NEK1: variants seen among roughly 807,000 people sequenced by gnomAD.
NEK1 encodes the protein serine/threonine-protein kinase Nek1.
NEK1 carries 137 observed loss-of-function variants against 182.1 expected under a neutral mutation model. That is an observed-to-expected ratio of 0.75 (90% confidence interval 0.65 to 0.87). NEK1 has a LOEUF of 0.87. NEK1 is among the 40% of genes least tolerant of loss of function. NEK1 has a pLI of 0.00. For synonymous variants in NEK1, 513 were observed against 492.2 expected, an observed-to-expected ratio of 1.04 and a Z score of -0.56; for missense variants, 1,391 against 1,494.4, an observed-to-expected ratio of 0.93 and a Z score of 1.14.
chr4:169,603,997 G>A (rs942750580), intron 2 of NEK1, among the ~76,000 whole-genome samples: 4 of 151,846 alleles, frequency 2.6e-5, no homozygotes, highest in African/African-American at 7.3e-5. Context: ...CACCATGAGC[G>A]GCCACATTTA....
In NEK1 at chr4:169,548,400, C is replaced by T. The variant is rs561928411; in HGVS notation, c.1562+7320G>A. Among the ~76,000 whole-genome samples the T allele has an allele frequency of 1.1e-4, 17 of 152,286 alleles. No individual in the cohort carries two copies. The East Asian group carries it at 3.1e-3, about 28-fold the overall frequency. ...GATCTCTCCTGTATGAGGAGTCTGT[C>T]GGCCCCTACTGGGGAGGTGTCTCCC... is the stretch of plus-strand genomic sequence containing the variant. On this transcript the variant is annotated intron_variant, in intron 18 of 35. Coordinates refer to ENST00000507142, the MANE Select transcript of NEK1 (RefSeq NM_001199397.3).
At chr4:169,473,058 A>C (rs528187665) in intron 26 of NEK1, among the ~76,000 whole-genome samples, 66 of 151,964 alleles carry the variant, frequency 4.3e-4, no homozygotes, top group African/African-American at 1.4e-3. Flanking sequence ...CAGGAGTTCA[A>C]AAGCAGCCTG....
At chr4:169,592,732 G>T (rs1251650537) in intron 5 of NEK1, among the ~76,000 whole-genome samples, 1 of 150,362 alleles carries the variant, frequency 6.7e-6, no homozygotes, top group East Asian at 1.9e-4. Context: ...CAGTTCTATA[G>T]ATATTTATTT....
intron 12 of NEK1, among the ~76,000 whole-genome samples, chr4:169,573,953 G>T (rs895864297): frequency 6.6e-6 from 1 of 151,978 alleles, no homozygotes; most frequent in East Asian, 1.9e-4. Flanking sequence ...TTGAGCCCAG[G>T]AGTTTGAGAC....
At position 169,479,457 on chromosome 4, in the gene NEK1, C is replaced by T. The variant is rs1439761503; in HGVS notation, c.2085G>A (p.Lys695=). The T allele has an allele frequency of 3.1e-6, 5 of 1,611,954 alleles. No homozygotes were observed. The highest frequency in any genetic ancestry group is 4.2e-6 in the Non-Finnish European group (5 of 1,178,950). Residue 695 remains lysine (K), a synonymous_variant, in exon 24 of 36, where the codon AAG becomes AAA. Coordinates refer to ENST00000507142, the MANE Select transcript of NEK1 (RefSeq NM_001199397.3). The stretch of plus-strand genomic sequence containing the variant: ...CAGAAATAACAGATCTCATCTGTTG[C>T]TTTGATGGAGAGCCACCTGTTTCAT... The part of the protein sequence containing the change: ...GQHETGGSPS[K]QQMRSVISVT...
intron 27 of NEK1, among the ~76,000 whole-genome samples, chr4:169,449,844 A>T (rs1345168786): frequency 6.6e-6 from 1 of 152,248 alleles, no homozygotes; most frequent in African/African-American, 2.4e-5. Context: ...AGTTGACAGA[A>T]GTAGGCTTCA....
Position 169,508,849 on chromosome 4 carries a change from T to C in NEK1, c.1669A>G (p.Ile557Val). 6.3e-7 allele frequency: 1 copy of C among 1,588,024 alleles called. No individual in the cohort carries two copies. Among genetic ancestry groups the C allele is most frequent in the Non-Finnish European group, 8.5e-7 (1 of 1,174,460 alleles). The change falls in exon 20 of 36, where the codon ATC becomes GTC. Residue 557 changes from isoleucine to valine, a missense_variant. Around this residue, in one of 5 missense-constraint regions of NEK1, gnomAD observed 1,216 missense variants for 1,277.6 expected, o/e 0.95. Coordinates refer to ENST00000507142, the MANE Select transcript of NEK1 (RefSeq NM_001199397.3). Reference protein sequence around the residue: ...NKARAEGHMGILQNLAAMYGG... With the variant: ...NKARAEGHMGVLQNLAAMYGG... Reference sequence around the variant, plus strand: ...TACATAGCTGCCAGGTTTTGCAGGATTCCCTGTTTATCATTTAATGTACTA... The same window carrying C: ...TACATAGCTGCCAGGTTTTGCAGGACTCCCTGTTTATCATTTAATGTACTA...
At chr4:169,518,376 T>A (rs1161116976) in intron 19 of NEK1, among the ~76,000 whole-genome samples, 1 of 133,994 alleles carries the variant, frequency 7.5e-6, no homozygotes, top group Admixed American at 7.2e-5. Flanking sequence ...TTTTATTGTG[T>A]CTATTTGATT....
Position 169,394,427 on chromosome 4 carries a change from G to T in NEK1, c.*83C>A. ...CTGATTTTTTAAATAAATAATTGCT[G>T]TATTTCCCACTGAAGCTTGTTATTC... On this transcript the variant is annotated 3_prime_UTR_variant, in exon 36 of 36. Coordinates refer to ENST00000507142, the MANE Select transcript of NEK1 (RefSeq NM_001199397.3). 4 of 829,998 alleles carry T rather than the reference G, an allele frequency of 4.8e-6. No individual in the cohort carries two copies. Among genetic ancestry groups the T allele is most frequent in the Non-Finnish European group, 7.8e-6 (4 of 513,998 alleles). The allele number at this position is 829,998 out of a possible 1,614,324, so 51.4% of individuals were successfully genotyped here.
At chr4:169,477,564 T>C in intron 24 of NEK1, 67 bp from the exon 25 acceptor site, 1 of 1,183,660 alleles carries the variant, frequency 8.4e-7, no homozygotes, top group South Asian at 1.5e-5. Flanking sequence ...TTAAAAATAT[T>C]ACATCCTCGT....
At chr4:169,400,674 AGATTT>A in intron 33 of NEK1, 23 bp from the exon 34 acceptor site, 1 of 1,526,696 alleles carries the variant, frequency 6.6e-7, no homozygotes, top group Non-Finnish European at 8.8e-7. Context: ...ATTAAAATAG[AGATTT>A]GATTTAAAAA....
intron 12 of NEK1, among the ~76,000 whole-genome samples, chr4:169,571,973 C>T (rs968660970): frequency 8.7e-5 from 13 of 149,346 alleles, no homozygotes; most frequent in African/African-American, 3.2e-4. Context: ...CTCTTGACAT[C>T]GTGAGATCAA....
At chr4:169,563,444 C>T (rs767987483) in intron 12 of NEK1, among the ~76,000 whole-genome samples, 2 of 151,856 alleles carry the variant, frequency 1.3e-5, no homozygotes, top group Non-Finnish European at 2.9e-5. Context: ...TTATTTTTTA[C>T]ATGTTGCCCT....
At chr4:169,564,733 A>G (rs543181366) in intron 12 of NEK1, among the ~76,000 whole-genome samples, 1 of 152,298 alleles carries the variant, frequency 6.6e-6, no homozygotes, top group South Asian at 2.1e-4. Context: ...TTTTACTTCA[A>G]TGAATATATT....
At chr4:169,568,566 A>G (rs951329257) in intron 12 of NEK1, among the ~76,000 whole-genome samples, 2 of 152,244 alleles carry the variant, frequency 1.3e-5, no homozygotes, top group Non-Finnish European at 2.9e-5. Context: ...TATAACACTA[A>G]GTAAAAACAC....
intron 10 of NEK1, among the ~76,000 whole-genome samples, chr4:169,585,131 G>C (rs1402771431): frequency 6.6e-6 from 1 of 152,170 alleles, no homozygotes; most frequent in Non-Finnish European, 1.5e-5. Context: ...TGAGGCTGCA[G>C]TGAGCTATGA....
intron 19 of NEK1, among the ~76,000 whole-genome samples, chr4:169,515,646 TC>T (rs1370370780): frequency 8.7e-5 from 9 of 103,622 alleles, no homozygotes; most frequent in African/African-American, 3.3e-4. Flanking sequence ...ATGCTATCCC[TC>T]CCCCCTCCCC....
chr4:169,503,670 C>T lies in NEK1; in HGVS notation c.2007+3367G>A, dbSNP rs1029990481. Among the ~76,000 whole-genome samples the T allele has an allele frequency of 6.6e-5, 10 of 152,220 alleles. No homozygotes were observed. The East Asian group carries it at 1.9e-3, about 29-fold the overall frequency. On this transcript the variant is annotated intron_variant, in intron 23 of 35. Coordinates refer to ENST00000507142, the MANE Select transcript of NEK1 (RefSeq NM_001199397.3). ...GCTGGGAAAACTGGATATCCATATGCAGAAGAATGAAACTAGACTCCTATC... is the reference window on the plus strand; with the variant it reads ...GCTGGGAAAACTGGATATCCATATGTAGAAGAATGAAACTAGACTCCTATC...
chr4:169,466,236 GA>G lies in NEK1; in HGVS notation c.2435-2842del, dbSNP rs111881865. On this transcript the variant is annotated intron_variant, in intron 26 of 35. Transcript: ENST00000507142. The stretch of plus-strand genomic sequence containing the variant: ...AACTCGTCCATTCATACTGAAGACA[GA>G]AAAAAAAATAGAATAAATAATGGCC... Among the ~76,000 whole-genome samples, 51 of 150,222 alleles carry G rather than the reference GA, an allele frequency of 3.4e-4. No individual in the cohort carries two copies. The East Asian group carries it at 8.2e-3, about 24-fold the overall frequency.
Sources: gnomAD v4.1 joint callset for allele counts (sites outside exome capture counted in the v4.1 genomes callset) on GRCh38, gnomAD v4.1.1 for gene constraint, gnomAD v4.1.1 regional missense constraint, MANE v1.5 for transcripts, NCBI Gene and HGNC (gene_info 2026-07-23, HGNC 2026-07-21) for gene names.